The following FYB1 variants were observed in gnomAD, a reference collection of about 807,000 sequenced individuals.
FYB1 encodes FYN binding protein 1.
In FYB1, 41 loss-of-function variants were observed where a neutral mutation model predicts 94.1. The observed-to-expected ratio is 0.44, with a 90% confidence interval of 0.34 to 0.57. The LOEUF is 0.57. FYB1 is among the 20% of genes least tolerant of loss of function. FYB1 has a pLI of 0.02. For missense variants in FYB1, 1,050 were observed against 976.8 expected, an observed-to-expected ratio of 1.07 and a Z score of -1.00; for synonymous variants, 367 against 353.2, an observed-to-expected ratio of 1.04 and a Z score of -0.44.
intron 1 of FYB1, among the ~76,000 whole-genome samples, chr5:39,236,442 A>G (rs986410750): frequency 2.0e-5 from 3 of 152,106 alleles, no homozygotes; most frequent in Admixed American, 6.6e-5. Context: ...TGTAGATCCA[A>G]TTTCTGGGGG....
intron 15 of FYB1, 103 bp from the exon 16 acceptor site, chr5:39,119,139 T>G: frequency 1.8e-6 from 1 of 547,404 alleles, no homozygotes; most frequent in Non-Finnish European, 2.9e-6. Flanking sequence ...AAAGAGATAA[T>G]TCAGTGTTTT....
At chr5:39,220,530 C>T (rs1446620172), upstream of FYB1, among the ~76,000 whole-genome samples, 1 of 150,958 alleles carries the variant, frequency 6.6e-6, no homozygotes, top group African/African-American at 2.4e-5. Flanking sequence ...AGAAAAGAAA[C>T]CCCCCAAAAC....
intron 1 of FYB1, among the ~76,000 whole-genome samples, chr5:39,216,733 C>T (rs1378253321): frequency 1.3e-5 from 2 of 152,158 alleles, no homozygotes; most frequent in African/African-American, 4.8e-5. Flanking sequence ...GAGGTGACAT[C>T]CCAGCTGGGA....
chr5:39,130,525 T>C, intron 10 of FYB1, 65 bp downstream of exon 10: 1 of 1,272,608 alleles, frequency 7.9e-7, no homozygotes. Context: ...ACACATGTGC[T>C]CCATAAATAC....
chr5:39,120,377 C>G lies in FYB1; in HGVS notation c.2139-743G>C, dbSNP rs115702450. ...ACTGCTAGGATCCAGGTATAGAAAT[C>G]CACTATATTTTGTAGATACCAATTA... On this transcript the variant is annotated intron_variant, in intron 14 of 18. Transcript: ENST00000512982. 6.1e-3 allele frequency among the ~76,000 whole-genome samples: 934 copies of G among 152,032 alleles called. 10 individuals carry two copies. The highest frequency in any genetic ancestry group is 0.022 in the African/African-American group (910 of 41,492).
chr5:39,175,000 T>C (rs1324309084), intron 2 of FYB1, among the ~76,000 whole-genome samples: 2 of 152,194 alleles, frequency 1.3e-5, no homozygotes, highest in Admixed American at 6.5e-5. Context: ...TTTTAAAAGT[T>C]ATGGTTCTAT....
chr5:39,251,364 A>G (rs766237202), intron 1 of FYB1, among the ~76,000 whole-genome samples: 9 of 152,208 alleles, frequency 5.9e-5, no homozygotes, highest in Admixed American at 2.0e-4. Flanking sequence ...CAAAAATATA[A>G]TAAGTAGCCC....
chr5:39,124,514 C>G (rs181744871), intron 12 of FYB1, among the ~76,000 whole-genome samples: 1 of 152,076 alleles, frequency 6.6e-6, no homozygotes, highest in Non-Finnish European at 1.5e-5. Flanking sequence ...TGTCCAGAGT[C>G]AAGATACTCA....
intron 1 of FYB1, among the ~76,000 whole-genome samples, chr5:39,258,751 T>C (rs1181984620): frequency 6.6e-6 from 1 of 152,102 alleles, no homozygotes; most frequent in Admixed American, 6.5e-5. Flanking sequence ...TTAGCACATG[T>C]CAGTGATAGA....
intron 1 of FYB1, among the ~76,000 whole-genome samples, chr5:39,231,159 A>C (rs1297974995): frequency 1.5e-4 from 18 of 118,936 alleles, no homozygotes; most frequent in African/African-American, 7.7e-4. Flanking sequence ...AAAAAAAAAA[A>C]AACAAAAAAA....
chr5:39,208,902 A>G (rs977344855), intron 1 of FYB1: 2 of 152,216 alleles, frequency 1.3e-5, no homozygotes, highest in Non-Finnish European at 2.9e-5. Context: ...AAAATTTGTA[A>G]TAGATTCAAG....
chr5:39,192,157 C>T (rs575543689), intron 2 of FYB1, among the ~76,000 whole-genome samples: 1 of 152,138 alleles, frequency 6.6e-6, no homozygotes, highest in African/African-American at 2.4e-5. Context: ...TACATTTGTC[C>T]AATATTCTTA....
chr5:39,252,132 G>A (rs1334750784), intron 1 of FYB1, among the ~76,000 whole-genome samples: 1 of 151,936 alleles, frequency 6.6e-6, no homozygotes, highest in African/African-American at 2.4e-5. Flanking sequence ...GCGACAGAGC[G>A]AGACTCCGTC....
intron 1 of FYB1, among the ~76,000 whole-genome samples, chr5:39,272,565 G>A (rs1186862593): frequency 6.6e-6 from 1 of 150,484 alleles, no homozygotes; most frequent in African/African-American, 2.4e-5. Context: ...CCAGCTAGTC[G>A]GGAGGCTGAG....
rs551031414 is a variant in FYB1, at chr5:39,247,066, G to A, written c.-28+27337C>T. On this transcript the variant is annotated intron_variant, in intron 1 of 1. Coordinates refer to the FYB1 transcript ENST00000510188. ...AGATAATGGTGCACACACAAAATGCGTGTTCATATATATATATATATATAT... is the reference window on the plus strand; with the variant it reads ...AGATAATGGTGCACACACAAAATGCATGTTCATATATATATATATATATAT... 2.6e-3 allele frequency among the ~76,000 whole-genome samples: 305 copies of A among 116,090 alleles called. 3 individuals carry two copies. Among genetic ancestry groups the A allele is most frequent in the African/African-American group, 9.5e-3 (287 of 30,094 alleles). 76.2% of individuals were successfully genotyped at this position (116,090 alleles called of 152,430 possible).
chr5:39,230,306 T>C (rs112971304), intron 1 of FYB1, among the ~76,000 whole-genome samples: 5 of 152,250 alleles, frequency 3.3e-5, no homozygotes, highest in African/African-American at 1.2e-4. Flanking sequence ...GATCAGCTAT[T>C]GTTGGCTTTC....
intron 9 of FYB1, among the ~76,000 whole-genome samples, chr5:39,131,500 C>T (rs973618442): frequency 3.3e-5 from 5 of 152,258 alleles, no homozygotes; most frequent in South Asian, 2.1e-4. Context: ...GATTTCCTAA[C>T]GTTAAAAGTG....
At chr5:39,205,914 A>C (rs1459504988) in intron 1 of FYB1, among the ~76,000 whole-genome samples, 1 of 152,216 alleles carries the variant, frequency 6.6e-6, no homozygotes, top group Non-Finnish European at 1.5e-5. Flanking sequence ...TTAAATGGGC[A>C]AAGGCATGTA....
intron 2 of FYB1, chr5:39,169,154 G>T: frequency 1.3e-6 from 1 of 743,576 alleles, no homozygotes; most frequent in Non-Finnish European, 2.5e-6. Context: ...TGGCCTTCTT[G>T]CAGATCCCAA....
Sources: gnomAD v4.1 joint callset for allele counts (sites outside exome capture counted in the v4.1 genomes callset) on GRCh38, gnomAD v4.1.1 for gene constraint, MANE v1.5 for transcripts, NCBI Gene and HGNC (gene_info 2026-07-23, HGNC 2026-07-21) for gene names.